SCAMP5: variants seen among roughly 807,000 people sequenced by gnomAD.
SCAMP5 encodes secretory carrier membrane protein 5.
SCAMP5 carries 7 observed loss-of-function variants against 28.3 expected under a neutral mutation model. The observed-to-expected ratio is 0.25, with a 90% CI of 0.14 to 0.46. The LOEUF (loss-of-function observed/expected upper bound fraction) is 0.46, where lower values mean the gene tolerates loss of function less well. SCAMP5 is among the 20% of genes least tolerant of loss of function. SCAMP5 has a pLI of 0.99. For synonymous variants in SCAMP5, 117 were observed against 116.4 expected, an observed-to-expected ratio of 1.00 and a Z score of -0.03; for missense variants, 192 against 312.5, an observed-to-expected ratio of 0.61 and a Z score of 2.91.
intron 1 of SCAMP5, among the ~76,000 whole-genome samples, chr15:75,005,113 T>C (rs1332599103): frequency 1.3e-5 from 2 of 150,976 alleles, no homozygotes; most frequent in East Asian, 3.9e-4. Context: ...AGGCAGAGCT[T>C]GCAGTGAGCC....
rs74023907 is a variant in SCAMP5, at chr15:75,012,518, C to T, written c.8-159C>T. ...GGGCCTTTGGCTACTTTGGGATCAT[C>T]ACAGCTGACCCGGGGAGGTAGGGAC... On this transcript the variant is annotated intron_variant, in intron 2 of 6. Transcript: ENST00000425597. Among the ~76,000 whole-genome samples, 2,644 of 152,318 alleles carry T rather than the reference C, an allele frequency of 0.017. 136 individuals carry two copies. The East Asian group carries it at 0.21, about 12-fold the overall frequency.
At chr15:74,997,573 G>C (rs1334247247) in intron 1 of SCAMP5, among the ~76,000 whole-genome samples, 1 of 152,208 alleles carries the variant, frequency 6.6e-6, no homozygotes, top group Non-Finnish European at 1.5e-5. Context: ...TTCCCAGAAG[G>C]GGTGGGATGT....
chr15:75,013,395 G>T (rs371457589), intron 3 of SCAMP5, among the ~76,000 whole-genome samples: 9 of 152,236 alleles, frequency 5.9e-5, no homozygotes, highest in East Asian at 3.9e-4. Flanking sequence ...GTGTTGGGTG[G>T]TCTATACCTG....
intron 3 of SCAMP5, among the ~76,000 whole-genome samples, chr15:75,014,807 GGA>G (rs1408728554): frequency 6.6e-6 from 1 of 152,018 alleles, no homozygotes; most frequent in Non-Finnish European, 1.5e-5. Flanking sequence ...TTTGAGCAAG[GGA>G]GCTGGGGCAG....
chr15:75,002,002 T>G (rs1424988611), intron 1 of SCAMP5, among the ~76,000 whole-genome samples: 1 of 148,730 alleles, frequency 6.7e-6, no homozygotes, highest in Non-Finnish European at 1.5e-5. Context: ...GCTACTTGGG[T>G]GGCTGAGGTG....
At chr15:75,014,905 GC>G (rs1398987926) in intron 3 of SCAMP5, among the ~76,000 whole-genome samples, 1 of 152,160 alleles carries the variant, frequency 6.6e-6, no homozygotes, top group Non-Finnish European at 1.5e-5. Flanking sequence ...TTAACACCAA[GC>G]CTCCAGGAGA....
chr15:74,999,182 A>G (rs2065679543), intron 1 of SCAMP5, among the ~76,000 whole-genome samples: 1 of 152,178 alleles, frequency 6.6e-6, no homozygotes, highest in African/African-American at 2.4e-5. Context: ...CCACAGTCTA[A>G]CTAATGCTTT....
At chr15:74,995,743 G>A (rs2065645644) in intron 1 of SCAMP5, 70 bp downstream of exon 1, 1 of 152,492 alleles carries the variant, frequency 6.6e-6, no homozygotes, top group Non-Finnish European at 1.5e-5. Context: ...GAGGTGTGGG[G>A]GTCGCTGGCT....
At chr15:75,017,444 G>T (rs1223715871) in intron 4 of SCAMP5, among the ~76,000 whole-genome samples, 1 of 152,084 alleles carries the variant, frequency 6.6e-6, no homozygotes, top group Non-Finnish European at 1.5e-5. Flanking sequence ...TACTGTTTTG[G>T]TGCCAATAGG....
At chr15:75,008,827 T>G (rs144919733) in intron 1 of SCAMP5, among the ~76,000 whole-genome samples, 43 of 152,280 alleles carry the variant, frequency 2.8e-4, no homozygotes, top group African/African-American at 9.4e-4. Context: ...TGTAATACTC[T>G]ATTGTATGAT....
At chr15:75,003,312 T>C (rs2065726745) in intron 1 of SCAMP5, among the ~76,000 whole-genome samples, 1 of 152,338 alleles carries the variant, frequency 6.6e-6, no homozygotes, top group South Asian at 2.1e-4. Flanking sequence ...ATGGAAATGG[T>C]ATAAAGTTAT....
chr15:75,018,965 G>C lies in SCAMP5; in HGVS notation c.690G>C (p.Thr230=), dbSNP rs376225133. 6.6e-7 allele frequency: 1 copy of C among 1,524,868 alleles called. No homozygotes were observed. Among genetic ancestry groups the C allele is most frequent in the African/African-American group, 1.4e-5 (1 of 70,944 alleles). 94.5% of individuals were successfully genotyped at this position (1,524,868 alleles called of 1,614,324 possible). ...AGTATTCCGCCACCCCCAATTACAC[G>C]TACTCCAATGAGATGTGAACCAGCC... ...QTQYSATPNY[T]YSNEM Residue 230 remains threonine (T), a synonymous_variant, in exon 7 of 7, where the codon ACG becomes ACC. Transcript: ENST00000425597. This position sits in a 1 kb window ranked among gnomAD's most constrained non-coding sequence, Gnocchi z 5.6.
At chr15:75,017,553 C>A in intron 4 of SCAMP5, 1 of 547,052 alleles carries the variant, frequency 1.8e-6, no homozygotes, top group Non-Finnish European at 3.2e-6. Flanking sequence ...CATTGTCCAT[C>A]CCCTTGACAA....
intron 1 of SCAMP5, among the ~76,000 whole-genome samples, chr15:75,002,079 C>G (rs7498056): frequency 1.7e-4 from 26 of 151,942 alleles, no homozygotes; most frequent in African/African-American, 5.1e-4. Context: ...GCACTCCAGG[C>G]TGGGCAATAG....
At chr15:75,008,550 A>G (rs2141439882) in intron 1 of SCAMP5, among the ~76,000 whole-genome samples, 1 of 144,450 alleles carries the variant, frequency 6.9e-6, no homozygotes, top group African/African-American at 2.6e-5. Flanking sequence ...CCCAGGCTGG[A>G]GTGCAGCAGC....
At chr15:75,001,280 A>AAG (rs1340322753) in intron 1 of SCAMP5, among the ~76,000 whole-genome samples, 3 of 151,510 alleles carry the variant, frequency 2.0e-5, no homozygotes, top group African/African-American at 7.3e-5. Context: ...AAAAAAAAAA[A>AAG]AAAAAAAAAA....
chr15:75,008,020 C>T (rs34820454), intron 1 of SCAMP5, among the ~76,000 whole-genome samples: 1 of 151,932 alleles, frequency 6.6e-6, no homozygotes, highest in Non-Finnish European at 1.5e-5. Context: ...TATTTTTGCC[C>T]TTGAGGTTTA....
At chr15:75,011,874 A>G (rs1461809718) in intron 2 of SCAMP5, 28 bp downstream of exon 2, 1 of 1,604,540 alleles carries the variant, frequency 6.2e-7, no homozygotes, top group Middle Eastern at 1.7e-4. Flanking sequence ...CTGTGTGGGT[A>G]GGACATGACA....
intron 2 of SCAMP5, 101 bp downstream of exon 2, chr15:75,011,947 G>C: frequency 1.0e-6 from 1 of 959,848 alleles, no homozygotes; most frequent in Non-Finnish European, 1.6e-6. Flanking sequence ...TTGGAGGCCA[G>C]GTTCTTTCCA....
Sources: gnomAD v4.1 joint callset for allele counts (sites outside exome capture counted in the v4.1 genomes callset) on GRCh38, gnomAD v4.1.1 for gene constraint, Gnocchi (gnomAD v3.1) non-coding constraint, MANE v1.5 for transcripts, NCBI Gene and HGNC (gene_info 2026-07-23, HGNC 2026-07-21) for gene names.